NXPH1: variants seen among roughly 807,000 people sequenced by gnomAD.
NXPH1 encodes the protein neurexophilin 1.
A neutral mutation model predicts 23.7 loss-of-function variants in NXPH1; 5 were observed. The observed-to-expected ratio is 0.21, with a 90% CI of 0.11 to 0.44. The LOEUF is 0.44. NXPH1 is among the 20% of genes least tolerant of loss of function. The pLI is 0.99. For synonymous variants in NXPH1, 144 were observed against 122.2 expected, an observed-to-expected ratio of 1.18 and a Z score of -1.18; for missense variants, 324 against 321.6, an observed-to-expected ratio of 1.01 and a Z score of -0.06.
At chr7:8,571,775 A>G (rs970562380) in intron 2 of NXPH1, among the ~76,000 whole-genome samples, 6 of 151,832 alleles carry the variant, frequency 4.0e-5, no homozygotes, top group Admixed American at 2.6e-4. Flanking sequence ...AAGCTTGGTA[A>G]TTTGTACGTA....
intron 2 of NXPH1, among the ~76,000 whole-genome samples, chr7:8,727,777 C>T (rs1158707099): frequency 6.6e-6 from 1 of 152,144 alleles, no homozygotes; most frequent in Non-Finnish European, 1.5e-5. Flanking sequence ...AGCGTGATGC[C>T]TCCAGCTTTG....
chr7:8,489,378 G>A (rs1389450380), intron 2 of NXPH1, among the ~76,000 whole-genome samples: 1 of 152,046 alleles, frequency 6.6e-6, no homozygotes, highest in South Asian at 2.1e-4. Flanking sequence ...AGGGGATCAA[G>A]CTACTAACCA....
chr7:8,689,375 T>C (rs2189629), intron 2 of NXPH1, among the ~76,000 whole-genome samples: 86,193 of 151,372 alleles, frequency 0.57, 25,310 homozygotes, highest in East Asian at 0.9. Context: ...ACATAGGACA[T>C]ATTCAAATGG....
chr7:8,563,341 G>C (rs996171303), intron 2 of NXPH1, among the ~76,000 whole-genome samples: 1 of 151,760 alleles, frequency 6.6e-6, no homozygotes, highest in South Asian at 2.1e-4. Context: ...GTTATATTCA[G>C]TCATTGTGTC....
At chr7:8,527,943 T>C (rs1318943561) in intron 2 of NXPH1, among the ~76,000 whole-genome samples, 1 of 152,230 alleles carries the variant, frequency 6.6e-6, no homozygotes, top group Non-Finnish European at 1.5e-5. Flanking sequence ...TATTTCTAAT[T>C]GATCATTTGG....
intron 2 of NXPH1, among the ~76,000 whole-genome samples, chr7:8,687,472 T>C (rs915093821): frequency 3.3e-5 from 5 of 152,188 alleles, no homozygotes; most frequent in African/African-American, 9.6e-5. Flanking sequence ...AAAAATGTTA[T>C]ATTAAAACAT....
At chr7:8,440,521 G>C (rs961621864) in intron 2 of NXPH1, among the ~76,000 whole-genome samples, 2 of 152,142 alleles carry the variant, frequency 1.3e-5, no homozygotes, top group Non-Finnish European at 2.9e-5. Flanking sequence ...TGTTGTCTGG[G>C]TGAAAAATAT....
intron 2 of NXPH1, among the ~76,000 whole-genome samples, chr7:8,518,961 T>C (rs894264347): frequency 2.6e-5 from 4 of 152,136 alleles, no homozygotes; most frequent in African/African-American, 9.7e-5. Flanking sequence ...TAGTGCATGC[T>C]GATTTTGTAG....
At chr7:8,465,085 T>G (rs528324888) in intron 2 of NXPH1, among the ~76,000 whole-genome samples, 62 of 152,296 alleles carry the variant, frequency 4.1e-4, no homozygotes, top group African/African-American at 1.4e-3. Flanking sequence ...AGAACAATTC[T>G]AACTAGAAAC....
chr7:8,498,954 T>C (rs1477483615), intron 2 of NXPH1, among the ~76,000 whole-genome samples: 2 of 152,098 alleles, frequency 1.3e-5, no homozygotes, highest in East Asian at 3.9e-4. Context: ...ATATATTTTA[T>C]GTAACATTTG....
At chr7:8,488,487 A>T (rs1025497501) in intron 2 of NXPH1, among the ~76,000 whole-genome samples, 1 of 152,146 alleles carries the variant, frequency 6.6e-6, no homozygotes, top group Non-Finnish European at 1.5e-5. Flanking sequence ...AATCAAAATG[A>T]CTGAAACCCA....
chr7:8,473,716 A>G (rs1816912251), intron 2 of NXPH1, among the ~76,000 whole-genome samples: 1 of 151,224 alleles, frequency 6.6e-6, no homozygotes, highest in South Asian at 2.1e-4. Flanking sequence ...GATTTGAGGT[A>G]GACATCAGAA....
intron 2 of NXPH1, among the ~76,000 whole-genome samples, chr7:8,628,362 G>T (rs1820040026): frequency 7.2e-6 from 1 of 138,596 alleles, no homozygotes; most frequent in Non-Finnish European, 1.5e-5. Context: ...AACATTTTAT[G>T]CATAGGTGTT....
chr7:8,542,945 G>A (rs796637071), intron 2 of NXPH1, among the ~76,000 whole-genome samples: 2 of 151,680 alleles, frequency 1.3e-5, no homozygotes, highest in African/African-American at 4.8e-5. Flanking sequence ...ATAATGCATA[G>A]CGTAATTTTA....
At chr7:8,480,460 G>A (rs543874164) in intron 2 of NXPH1, among the ~76,000 whole-genome samples, 1 of 152,198 alleles carries the variant, frequency 6.6e-6, no homozygotes, top group Non-Finnish European at 1.5e-5. Context: ...ATTCAGAATG[G>A]ACAATTCTCT....
At chr7:8,502,943 C>G (rs577217530) in intron 2 of NXPH1, among the ~76,000 whole-genome samples, 1 of 152,056 alleles carries the variant, frequency 6.6e-6, no homozygotes, top group African/African-American at 2.4e-5. Context: ...CAAGGTAGTA[C>G]TAGAGAACCC....
chr7:8,565,723 C>A (rs779779015), intron 2 of NXPH1, among the ~76,000 whole-genome samples: 5 of 151,720 alleles, frequency 3.3e-5, no homozygotes, highest in Non-Finnish European at 7.4e-5. Flanking sequence ...GGTGCCCTCA[C>A]AACATATTTT....
chr7:8,502,659 C>G (rs547797770), intron 2 of NXPH1, among the ~76,000 whole-genome samples: 1 of 151,584 alleles, frequency 6.6e-6, no homozygotes, highest in African/African-American at 2.4e-5. Context: ...CTCACTATGC[C>G]CAGGCTGAGA....
intron 2 of NXPH1, among the ~76,000 whole-genome samples, chr7:8,742,620 A>G (rs1263486365): frequency 6.6e-6 from 1 of 152,014 alleles, no homozygotes; most frequent in Non-Finnish European, 1.5e-5. Context: ...TGTATGTAAG[A>G]TATTTATATA....
Sources: allele counts gnomAD v4.1 joint callset (sites outside exome capture counted in the v4.1 genomes callset), GRCh38; gene constraint gnomAD v4.1.1; transcripts MANE v1.5; gene names NCBI Gene and HGNC (gene_info 2026-07-23, HGNC 2026-07-21).